NCOA2: variants seen among roughly 807,000 people sequenced by gnomAD.
NCOA2 encodes class E basic helix-loop-helix protein 75.
NCOA2 carries 21 observed loss-of-function variants against 145.1 expected under a neutral mutation model. The ratio of observed to expected loss-of-function variants is 0.14; its 90% CI spans 0.10 to 0.21. NCOA2 has a LOEUF of 0.21. NCOA2 is among the 10% of genes least tolerant of loss of function. NCOA2 has a pLI of 1.00. For synonymous variants in NCOA2, 619 were observed against 637.5 expected, an observed-to-expected ratio of 0.97 and a Z score of 0.44; for missense variants, 1,472 against 1,837.6, an observed-to-expected ratio of 0.80 and a Z score of 3.64.
intron 2 of NCOA2, among the ~76,000 whole-genome samples, chr8:70,235,640 T>TA (rs1821526162): frequency 1.3e-5 from 2 of 151,968 alleles, no homozygotes; most frequent in Non-Finnish European, 2.9e-5. Context: ...GCCCAGGAGT[T>TA]AGAGACCAGC....
chr8:70,308,736 G>A (rs1828084087), intron 1 of NCOA2, among the ~76,000 whole-genome samples: 2 of 152,246 alleles, frequency 1.3e-5, no homozygotes, highest in South Asian at 4.2e-4. Flanking sequence ...AGAGAAAAGA[G>A]GAGCTATTAC....
intron 22 of NCOA2, among the ~76,000 whole-genome samples, chr8:70,120,622 G>A (rs1807693593): frequency 6.6e-6 from 1 of 152,148 alleles, no homozygotes; most frequent in Non-Finnish European, 1.5e-5. Flanking sequence ...TCAAGAGGCT[G>A]AGGCAGGAGA....
chr8:70,264,356 A>G (rs1824388888), intron 2 of NCOA2, among the ~76,000 whole-genome samples: 3 of 151,632 alleles, frequency 2.0e-5, no homozygotes, highest in South Asian at 4.2e-4. Context: ...TTAGCTGAAC[A>G]TGGTAGTACA....
chr8:70,377,390 AAATTT>A (rs1811777163), intron 1 of NCOA2, among the ~76,000 whole-genome samples: 1 of 152,104 alleles, frequency 6.6e-6, no homozygotes, highest in African/African-American at 2.4e-5. Flanking sequence ...AGTACCTTAT[AAATTT>A]AATAAATAAA....
chr8:70,183,246 A>T (rs1018668901), intron 4 of NCOA2, among the ~76,000 whole-genome samples: 1 of 152,218 alleles, frequency 6.6e-6, no homozygotes, highest in Non-Finnish European at 1.5e-5. Context: ...AAGAAATGAG[A>T]AGTGAGGTGA....
intron 7 of NCOA2, among the ~76,000 whole-genome samples, chr8:70,166,166 T>C (rs1813595581): frequency 6.6e-6 from 1 of 152,202 alleles, no homozygotes; most frequent in Non-Finnish European, 1.5e-5. Context: ...TTGCACTAGA[T>C]GTTCAAAGAG....
At position 70,294,160 on chromosome 8, in the gene NCOA2, T is replaced by C. The variant is rs887460780; in HGVS notation, c.-20+2584A>G. Among the ~76,000 whole-genome samples, 127 of 152,242 alleles carry C rather than the reference T, an allele frequency of 8.3e-4. 1 individual carries two copies. The highest frequency in any genetic ancestry group is 3.0e-3 in the African/African-American group (123 of 41,558). On this transcript the variant is annotated intron_variant, in intron 2 of 22. Coordinates refer to ENST00000452400, the MANE Select transcript of NCOA2 (RefSeq NM_006540.4). ...CTAAAGTTCTATCTGAACCAACTCC[T>C]GATATACTGCAAGGCTATATACTAA...
intron 2 of NCOA2, among the ~76,000 whole-genome samples, chr8:70,229,366 C>T (rs1468189254): frequency 6.6e-6 from 1 of 152,134 alleles, no homozygotes; most frequent in Non-Finnish European, 1.5e-5. Flanking sequence ...ATACAAAGTG[C>T]TAACGAAGGA....
At chr8:70,306,343 A>G (rs1043075495) in intron 1 of NCOA2, among the ~76,000 whole-genome samples, 2 of 152,178 alleles carry the variant, frequency 1.3e-5, no homozygotes, top group Non-Finnish European at 1.5e-5. Flanking sequence ...CTTGGGCCTC[A>G]CTATCCTATC....
intron 1 of NCOA2, among the ~76,000 whole-genome samples, chr8:70,361,969 G>A (rs1365619433): frequency 1.3e-5 from 2 of 152,154 alleles, no homozygotes; most frequent in Non-Finnish European, 2.9e-5. Flanking sequence ...CCGTATGGCC[G>A]CAGTATAAAT....
chr8:70,211,584 C>T (rs1186630592), intron 4 of NCOA2, among the ~76,000 whole-genome samples: 1 of 152,042 alleles, frequency 6.6e-6, no homozygotes, highest in Non-Finnish European at 1.5e-5. Context: ...AGCTATGTAA[C>T]CTAGGTATTG....
intron 1 of NCOA2, among the ~76,000 whole-genome samples, chr8:70,396,421 C>T (rs1813676860): frequency 6.6e-6 from 1 of 152,186 alleles, no homozygotes; most frequent in Non-Finnish European, 1.5e-5. Context: ...AATTACTGAT[C>T]TATGTTACTT....
the NCOA2 span, among the ~76,000 whole-genome samples, chr8:70,412,782 G>A: frequency 3.3e-5 from 5 of 151,714 alleles, no homozygotes; most frequent in East Asian, 9.7e-4. Context: ...GGCTTCACCT[G>A]ACTTAACACC....
Position 70,159,929 on chromosome 8 carries a change from T to C in NCOA2, c.977-277A>G, listed in dbSNP as rs528206679. 4.6e-5 allele frequency among the ~76,000 whole-genome samples: 7 copies of C among 152,336 alleles called. No homozygotes were observed. In the South Asian group the frequency reaches 1.5e-3, roughly 32 times the overall value. ...CAAACTGTGTTCTTAAAATCTTTAT[T>C]ATTATGGCAAAACAGTGTAAACCAT... On this transcript the variant is annotated intron_variant, in intron 9 of 22. Coordinates refer to ENST00000452400, the MANE Select transcript of NCOA2 (RefSeq NM_006540.4).
chr8:70,398,401 C>G (rs1813894687), intron 1 of NCOA2, among the ~76,000 whole-genome samples: 1 of 152,136 alleles, frequency 6.6e-6, no homozygotes, highest in Non-Finnish European at 1.5e-5. Context: ...CAAGGCTATA[C>G]AGTGAGCTGT....
chr8:70,419,342 A>T, the NCOA2 span, among the ~76,000 whole-genome samples: 1 of 152,152 alleles, frequency 6.6e-6, no homozygotes, highest in Non-Finnish European at 1.5e-5. Flanking sequence ...TTTTAAATAA[A>T]TAGTCAATGA....
intron 1 of NCOA2, among the ~76,000 whole-genome samples, chr8:70,389,473 G>GT: frequency 1.3e-5 from 2 of 151,784 alleles, no homozygotes. Flanking sequence ...AGAGATGAGG[G>GT]TTCTCCATGT....
At chr8:70,358,059 C>T (rs1031675142) in intron 1 of NCOA2, among the ~76,000 whole-genome samples, 2 of 151,490 alleles carry the variant, frequency 1.3e-5, no homozygotes, top group Non-Finnish European at 2.9e-5. Flanking sequence ...GCAAAAAAAA[C>T]AAAACAGAAC....
At chr8:70,320,862 A>T (rs567405640) in intron 1 of NCOA2, among the ~76,000 whole-genome samples, 1 of 152,268 alleles carries the variant, frequency 6.6e-6, no homozygotes, top group African/African-American at 2.4e-5. Context: ...CACTGTGCAT[A>T]TTGTCTTTAG....
Sources: gnomAD v4.1 joint callset for allele counts (sites outside exome capture counted in the v4.1 genomes callset) on GRCh38, gnomAD v4.1.1 for gene constraint, MANE v1.5 for transcripts, NCBI Gene and HGNC (gene_info 2026-07-23, HGNC 2026-07-21) for gene names.